FPR2: variants seen among roughly 807,000 people sequenced by gnomAD.
The protein encoded by FPR2 is formyl peptide receptor 2.
A neutral mutation model predicts 4.0 loss-of-function variants in FPR2; 3 were observed. The ratio of observed to expected loss-of-function variants is 0.74; its 90% CI spans 0.34 to 1.92. FPR2 has a LOEUF of 1.92. Among genes scored for constraint, FPR2 ranks in the 30% most tolerant of loss-of-function variants. The pLI, the probability that FPR2 is intolerant of heterozygous loss-of-function variation, is 0.07. For missense variants in FPR2, 372 were observed against 435.7 expected (o/e 0.85, Z 1.30); for synonymous variants, 179 against 171.5 (o/e 1.04, Z -0.34).
intron 1 of FPR2, among the ~76,000 whole-genome samples, chr19:51,766,188 T>C (rs1459244893): frequency 6.6e-6 from 1 of 152,206 alleles, no homozygotes; most frequent in Non-Finnish European, 1.5e-5. Context: ...CCCAAAGTGT[T>C]GGGATTACAG....
In FPR2 at chr19:51,768,948, T is replaced by C. The variant is rs2122365476; in HGVS notation, c.290T>C (p.Leu97Pro). ...MGEKWPFGWF[L>P]CKLIHIVVDI... is the part of the protein sequence containing the mutation. ...GAAAAATGGCCTTTTGGCTGGTTCC[T>C]GTGTAAGTTAATTCACATCGTGGTG... The change falls in exon 2 of 2, where the codon CTG (leucine) becomes CCG (proline). Residue 97 changes from leucine (L) to proline (P), a missense_variant. Coordinates refer to ENST00000340023, the MANE Select transcript of FPR2 (RefSeq NM_001005738.2). 2 of 1,614,214 alleles carry C rather than the reference T, an allele frequency of 1.2e-6. No homozygotes were observed. Among genetic ancestry groups the C allele is most frequent in the East Asian group, 4.5e-5 (2 of 44,884 alleles).
Position 51,769,516 on chromosome 19 carries a change from A to G in FPR2, c.858A>G (p.Pro286=). 1 of 1,614,180 alleles carries G rather than the reference A, an allele frequency of 6.2e-7. No homozygotes were observed. Among genetic ancestry groups the G allele is most frequent in the Non-Finnish European group, 8.5e-7 (1 of 1,180,020 alleles). ...KYKIIDILVN[P]TSSLAFFNSC... is the part of the protein sequence containing the mutation. ...AAATCATTGACATCCTGGTTAACCC[A>G]ACGAGCTCCCTGGCCTTCTTCAACA... The change falls in exon 2 of 2, where the codon CCA becomes CCG. Residue 286 remains proline (P), a synonymous_variant. Transcript: ENST00000340023. This position sits in a 1 kb window ranked among gnomAD's most constrained non-coding sequence, Gnocchi z 4.4.
chr19:51,769,724 C>A lies in FPR2; in HGVS notation c.*10C>A. ...GTTACAGGCAATGTGAGGATGGGGTCAGGGATATTTTGAGTTCTGTTCATC... is the reference window on the plus strand; with the variant it reads ...GTTACAGGCAATGTGAGGATGGGGTAAGGGATATTTTGAGTTCTGTTCATC... On this transcript the variant is annotated 3_prime_UTR_variant, in exon 2 of 2. Transcript: ENST00000340023. This position sits in a 1 kb window ranked among gnomAD's most constrained non-coding sequence, Gnocchi z 4.4. 1 of 1,609,560 alleles carries A rather than the reference C, an allele frequency of 6.2e-7. No homozygotes were observed. The highest frequency in any genetic ancestry group is 8.5e-7 in the Non-Finnish European group (1 of 1,176,150).
intron 1 of FPR2, among the ~76,000 whole-genome samples, chr19:51,761,489 T>C (rs1250723650): frequency 1.3e-5 from 2 of 152,246 alleles, no homozygotes; most frequent in Non-Finnish European, 2.9e-5. Context: ...AATGATTTTT[T>C]TTATTTGCGG....
chr19:51,762,231 A>G (rs934569130), intron 1 of FPR2, among the ~76,000 whole-genome samples: 37 of 151,096 alleles, frequency 2.4e-4, no homozygotes, highest in African/African-American at 8.0e-4. Flanking sequence ...GATTACAGGC[A>G]CCCGCCATCA....
At chr19:51,764,346 CATT>C (rs1206923497) in intron 1 of FPR2, among the ~76,000 whole-genome samples, 1 of 152,070 alleles carries the variant, frequency 6.6e-6, no homozygotes, top group Non-Finnish European at 1.5e-5. Flanking sequence ...ACCATTTTCT[CATT>C]ATAATGTCAG....
In FPR2 at chr19:51,769,245, C is replaced by T. The variant is rs200923071; in HGVS notation, c.587C>T (p.Thr196Ile). 6.1e-5 allele frequency: 98 copies of T among 1,614,098 alleles called. No individual in the cohort carries two copies. Among genetic ancestry groups the T allele is most frequent in the Admixed American group, 2.2e-4 (13 of 60,002 alleles). The change falls in exon 2 of 2, where the codon ACC becomes ATC. Residue 196 changes from threonine to isoleucine, a missense_variant. Transcript: ENST00000340023. This position sits in a 1 kb window ranked among gnomAD's most constrained non-coding sequence, Gnocchi z 4.4. ...TPEERLKVAI[T>I]MLTARGIIRF... The stretch of plus-strand genomic sequence containing the variant: ...GAGGAGAGGCTGAAGGTGGCCATTA[C>T]CATGCTGACAGCCAGAGGGATTATC...
In FPR2 at chr19:51,770,006, C is replaced by A; in HGVS notation, c.*292C>A. 3.0e-6 allele frequency: 1 copy of A among 331,102 alleles called. No homozygotes were observed. Among genetic ancestry groups the A allele is most frequent in the Non-Finnish European group, 5.9e-6 (1 of 169,616 alleles). 20.5% of individuals were successfully genotyped at this position (331,102 alleles called of 1,614,324 possible). A position where few individuals can be genotyped will look rare whatever the true frequency, so the allele number is the denominator to read the frequency against. On this transcript the variant is annotated 3_prime_UTR_variant, in exon 2 of 2. Transcript: ENST00000340023. ...TTTGTAAGACTTAGATGAGATAGCG[C>A]ATAATAAGGGGAAGACTTTAAAGTA... is the stretch of plus-strand genomic sequence containing the variant.
chr19:51,761,437 C>T (rs1393414761), intron 1 of FPR2, among the ~76,000 whole-genome samples: 1 of 152,166 alleles, frequency 6.6e-6, no homozygotes, highest in African/African-American at 2.4e-5. Context: ...CAAAATAATA[C>T]AATTTATCTC....
Position 51,768,703 on chromosome 19 carries a change from G to A in FPR2, c.45G>A (p.Val15=). The A allele has an allele frequency of 1.2e-6, 2 of 1,613,686 alleles. No homozygotes were observed. The highest frequency in any genetic ancestry group is 1.1e-5 in the South Asian group (1 of 91,048). The part of the protein sequence containing the change: ...FSTPLNEYEE[V]SYESAGYTVL... ...CTCCTCTGAATGAATATGAAGAAGTGTCCTATGAGTCTGCTGGCTACACTG... is the reference window on the plus strand; with the variant it reads ...CTCCTCTGAATGAATATGAAGAAGTATCCTATGAGTCTGCTGGCTACACTG... The change falls in exon 2 of 2, where the codon GTG becomes GTA. Residue 15 remains valine (V), a synonymous_variant. Coordinates refer to ENST00000340023, the MANE Select transcript of FPR2 (RefSeq NM_001005738.2).
intron 1 of FPR2, chr19:51,768,430 A>G (rs1242002879): frequency 1.9e-6 from 1 of 527,226 alleles, no homozygotes; most frequent in Non-Finnish European, 3.4e-6. Flanking sequence ...AGCGAAATGC[A>G]TATTGATAAT....
At chr19:51,764,896 G>C (rs1370736198) in intron 1 of FPR2, among the ~76,000 whole-genome samples, 6 of 151,918 alleles carry the variant, frequency 3.9e-5, no homozygotes, top group Admixed American at 1.3e-4. Context: ...GCACGATCTT[G>C]GCTCACTGCA....
rs2122370082 is a variant in FPR2, at chr19:51,770,173, A to AT, written c.*463dup. On this transcript the variant is annotated 3_prime_UTR_variant, in exon 2 of 2. Coordinates refer to ENST00000340023, the MANE Select transcript of FPR2 (RefSeq NM_001005738.2). ...GTGGACTTTGCATTTTATCAAATGC[A>AT]TTTTCTACATGTATTAAGATGGTCA... 1 of 171,804 alleles carries AT rather than the reference A, an allele frequency of 5.8e-6. No homozygotes were observed. Among genetic ancestry groups the AT allele is most frequent in the South Asian group, 1.8e-4 (1 of 5,562 alleles). 10.6% of individuals were successfully genotyped at this position (171,804 alleles called of 1,614,324 possible).
In FPR2 at chr19:51,768,931, G is replaced by T; in HGVS notation, c.273G>T (p.Trp91Cys). The T allele has an allele frequency of 6.2e-7, 1 of 1,614,144 alleles. No homozygotes were observed. Among genetic ancestry groups the T allele is most frequent in the African/African-American group, 1.3e-5 (1 of 75,018 alleles). ...LIVSMAMGEK[W>C]PFGWFLCKLI... ...TCTCCATGGCCATGGGAGAAAAATG[G>T]CCTTTTGGCTGGTTCCTGTGTAAGT... is the stretch of plus-strand genomic sequence containing the variant. The change falls in exon 2 of 2, where the codon TGG becomes TGT. Residue 91 changes from tryptophan (W) to cysteine (C), a missense_variant. Trp to Cys is a radical substitution (Grantham distance 215). Transcript: ENST00000340023.
At chr19:51,766,777 G>A (rs910760641) in intron 1 of FPR2, among the ~76,000 whole-genome samples, 1 of 152,118 alleles carries the variant, frequency 6.6e-6, no homozygotes, top group Non-Finnish European at 1.5e-5. Flanking sequence ...GTTATTATGA[G>A]CATTAGATGT....
At chr19:51,765,583 G>C (rs2083863661) in intron 1 of FPR2, among the ~76,000 whole-genome samples, 1 of 152,150 alleles carries the variant, frequency 6.6e-6, no homozygotes, top group South Asian at 2.1e-4. Flanking sequence ...TAAAGGAAAA[G>C]CTCTTGGTGT....
chr19:51,769,355 A>G lies in FPR2; in HGVS notation c.697A>G (p.Met233Val). 1.2e-6 allele frequency: 2 copies of G among 1,614,180 alleles called. No homozygotes were observed. Among genetic ancestry groups the G allele is most frequent in the Non-Finnish European group, 1.7e-6 (2 of 1,180,034 alleles). Residue 233 changes from methionine (M) to valine (V), a missense_variant, in exon 2 of 2, where the codon ATG becomes GTG. Physicochemically the swap from Met to Val is conservative, Grantham distance 21. Transcript: ENST00000340023. This position sits in a 1 kb window ranked among gnomAD's most constrained non-coding sequence, Gnocchi z 4.4. Reference sequence around the variant, plus strand: ...TGCAGCCAAGATCCACAAAAAGGGCATGATTAAATCCAGCCGTCCCTTACG... The same window carrying G: ...TGCAGCCAAGATCCACAAAAAGGGCGTGATTAAATCCAGCCGTCCCTTACG... ...LIAAKIHKKGMIKSSRPLRVL... is the reference protein window; with the variant it reads ...LIAAKIHKKGVIKSSRPLRVL...
At chr19:51,767,338 C>T (rs1181224304) in intron 1 of FPR2, among the ~76,000 whole-genome samples, 1 of 152,098 alleles carries the variant, frequency 6.6e-6, no homozygotes, top group African/African-American at 2.4e-5. Flanking sequence ...CAGATGTGAT[C>T]CGGACCAGAG....
chr19:51,765,554 T>G (rs906080446), intron 1 of FPR2, among the ~76,000 whole-genome samples: 2 of 152,334 alleles, frequency 1.3e-5, no homozygotes, highest in African/African-American at 4.8e-5. Flanking sequence ...ACAGATCCTG[T>G]GAGAGGCGTT....
Sources: gnomAD v4.1 joint callset for allele counts (sites outside exome capture counted in the v4.1 genomes callset) on GRCh38, gnomAD v4.1.1 for gene constraint, Gnocchi (gnomAD v3.1) non-coding constraint, MANE v1.5 for transcripts, NCBI Gene and HGNC (gene_info 2026-07-23, HGNC 2026-07-21) for gene names.